The following MYO3B variants were observed in gnomAD, a reference collection of about 807,000 sequenced individuals.
The protein encoded by MYO3B is myosin-IIIb.
Under a neutral mutation model 174.6 loss-of-function variants are expected in MYO3B, and 156 were observed. That is an observed-to-expected ratio of 0.89 (90% CI 0.78 to 1.02). The LOEUF is 1.02. Ranked by LOEUF, MYO3B falls within the 50% of genes least tolerant of loss-of-function variation. The pLI, the probability that MYO3B is intolerant of heterozygous loss-of-function variation, is 0.00. For missense variants in MYO3B, 1,632 were observed against 1,639.4 expected (o/e 1.00, Z 0.08); for synonymous variants, 563 against 569.1 (o/e 0.99, Z 0.15).
At chr2:170,503,477 T>A (rs894508988) in intron 28 of MYO3B, among the ~76,000 whole-genome samples, 1 of 141,094 alleles carries the variant, frequency 7.1e-6, no homozygotes, top group East Asian at 2.1e-4. Context: ...TTTTTTTTTT[T>A]AGCCTTGCAA....
At chr2:170,375,160 C>G (rs144649619) in intron 9 of MYO3B, among the ~76,000 whole-genome samples, 2 of 152,120 alleles carry the variant, frequency 1.3e-5, no homozygotes, top group East Asian at 3.8e-4. Context: ...TGCAAAAAGA[C>G]GACTTCTTCC....
intron 27 of MYO3B, among the ~76,000 whole-genome samples, chr2:170,501,480 G>C (rs559286054): frequency 2.0e-5 from 3 of 152,270 alleles, no homozygotes; most frequent in Admixed American, 1.3e-4. Flanking sequence ...CCAGGGATTA[G>C]AATGACAGGA....
At chr2:170,558,622 C>T (rs1691503266) in intron 32 of MYO3B, among the ~76,000 whole-genome samples, 2 of 152,070 alleles carry the variant, frequency 1.3e-5, no homozygotes, top group African/African-American at 2.4e-5. Flanking sequence ...TGTATATTTT[C>T]GTTACTGTAT....
At chr2:170,413,902 TG>T (rs1178267810) in intron 22 of MYO3B, among the ~76,000 whole-genome samples, 1 of 151,510 alleles carries the variant, frequency 6.6e-6, no homozygotes, top group Non-Finnish European at 1.5e-5. Context: ...TAGCCAGGTG[TG>T]GTGGTGGGCG....
intron 22 of MYO3B, among the ~76,000 whole-genome samples, chr2:170,424,851 C>T (rs190929050): frequency 1.3e-5 from 2 of 152,254 alleles, no homozygotes; most frequent in Admixed American, 1.3e-4. Flanking sequence ...AACATAGCAG[C>T]TTTGATTTTT....
At chr2:170,352,124 T>C (rs1259235560) in intron 8 of MYO3B, among the ~76,000 whole-genome samples, 2 of 152,174 alleles carry the variant, frequency 1.3e-5, no homozygotes, top group Non-Finnish European at 2.9e-5. Context: ...GGCTGATTTT[T>C]GTATTTTTAG....
intron 32 of MYO3B, among the ~76,000 whole-genome samples, chr2:170,587,758 A>T (rs1693574988): frequency 6.6e-6 from 1 of 152,232 alleles, no homozygotes; most frequent in Non-Finnish European, 1.5e-5. Context: ...ACCTGACTAC[A>T]GTGTTGAATT....
At position 170,190,201 on chromosome 2, in the gene MYO3B, G is replaced by C. The variant is rs567643327; in HGVS notation, c.3-9007G>C. ...CCTTACTTTCTCCCAAACAAACAGAGTCTCTGTCTCTCTCTTTCCTGAGCT... is the reference window on the plus strand; with the variant it reads ...CCTTACTTTCTCCCAAACAAACAGACTCTCTGTCTCTCTCTTTCCTGAGCT... On this transcript the variant is annotated intron_variant, in intron 1 of 34. Coordinates refer to ENST00000408978, the MANE Select transcript of MYO3B (RefSeq NM_138995.5). Among the ~76,000 whole-genome samples the C allele has an allele frequency of 5.9e-5, 9 of 152,206 alleles. No homozygotes were observed. The East Asian group carries it at 1.7e-3, about 29-fold the overall frequency.
chr2:170,401,665 A>G lies in MYO3B; in HGVS notation c.2103A>G (p.Thr701=), dbSNP rs368863429. The G allele has an allele frequency of 6.8e-6, 11 of 1,613,422 alleles. No individual in the cohort carries two copies. Among genetic ancestry groups the G allele is most frequent in the Admixed American group, 1.7e-5 (1 of 59,976 alleles). The part of the protein sequence containing the change: ...LFSWIVNRIN[T]LLQPDENICS... ...GCTGGATTGTGAATCGCATTAATAC[A>G]CTCCTGCAGCCAGACGAAAACATAT... is the stretch of plus-strand genomic sequence containing the variant. The change falls in exon 18 of 35, where the codon ACA becomes ACG. Residue 701 remains threonine, a synonymous_variant. Transcript: ENST00000408978.
rs1183272909 is a variant in MYO3B at position 170,206,029 on chromosome 2, TTG to T, written c.321+5746_321+5747del. ...AGGGCATACCTGTCATTCCCTGTCA[TTG>T]GCCTTCCTCCTCCATCTCCCTGCCC... On this transcript the variant is annotated intron_variant, in intron 3 of 34. Transcript: ENST00000408978. The surrounding 1 kb of genome is among the most constrained non-coding windows in gnomAD (Gnocchi z 4.3). Among the ~76,000 whole-genome samples, 3 of 152,174 alleles carry T rather than the reference TTG, an allele frequency of 2.0e-5. No individual in the cohort carries two copies. The highest frequency in any genetic ancestry group is 4.4e-5 in the Non-Finnish European group (3 of 68,020).
intron 32 of MYO3B, among the ~76,000 whole-genome samples, chr2:170,617,796 T>C (rs1206995072): frequency 6.6e-6 from 1 of 152,230 alleles, no homozygotes; most frequent in Non-Finnish European, 1.5e-5. Flanking sequence ...CAATCATTAG[T>C]AATATGACCT....
intron 1 of MYO3B, among the ~76,000 whole-genome samples, chr2:170,196,460 G>A (rs1436202501): frequency 6.6e-6 from 1 of 152,174 alleles, no homozygotes; most frequent in East Asian, 1.9e-4. Flanking sequence ...AGGCTACAGG[G>A]GGTGGTGATC....
chr2:170,399,223 CAA>C (rs1386541480), intron 16 of MYO3B, among the ~76,000 whole-genome samples: 4 of 91,970 alleles, frequency 4.3e-5, no homozygotes, highest in Non-Finnish European at 8.2e-5. Flanking sequence ...GCCTGGGCAA[CAA>C]GAGCGAAATT....
At chr2:170,528,944 C>T (rs572462862) in intron 30 of MYO3B, among the ~76,000 whole-genome samples, 4 of 152,278 alleles carry the variant, frequency 2.6e-5, no homozygotes, top group East Asian at 3.9e-4. Flanking sequence ...GTTAGGCTCA[C>T]GTGCTCTCTG....
intron 32 of MYO3B, chr2:170,641,199 T>C (rs919639982): frequency 2.0e-5 from 3 of 152,036 alleles, no homozygotes; most frequent in Non-Finnish European, 4.4e-5. Flanking sequence ...ACTGGGAGGG[T>C]AGGGAACATT....
At chr2:170,369,832 A>G (rs2094226922) in intron 9 of MYO3B, among the ~76,000 whole-genome samples, 1 of 152,160 alleles carries the variant, frequency 6.6e-6, no homozygotes, top group Admixed American at 6.5e-5. Flanking sequence ...TGAGCTAAAC[A>G]CCGAAGGCTG....
At chr2:170,636,559 C>CCTCT (rs1360612568) in intron 32 of MYO3B, among the ~76,000 whole-genome samples, 2 of 151,938 alleles carry the variant, frequency 1.3e-5, no homozygotes, top group Non-Finnish European at 2.9e-5. Flanking sequence ...CCATTTAACC[C>CCTCT]CTCTCTGCTG....
chr2:170,328,173 A>G (rs2093883177), intron 7 of MYO3B, among the ~76,000 whole-genome samples: 3 of 152,078 alleles, frequency 2.0e-5, no homozygotes, highest in African/African-American at 4.8e-5. Context: ...AAGTGCTAGG[A>G]TTACAGGCAT....
chr2:170,572,714 C>A (rs1692521977), intron 32 of MYO3B, among the ~76,000 whole-genome samples: 1 of 149,194 alleles, frequency 6.7e-6, no homozygotes, highest in South Asian at 2.1e-4. Flanking sequence ...ACCCCTTGTA[C>A]AACATGGCAG....
Sources: gnomAD v4.1 joint callset for allele counts (sites outside exome capture counted in the v4.1 genomes callset) on GRCh38, gnomAD v4.1.1 for gene constraint, Gnocchi (gnomAD v3.1) non-coding constraint, MANE v1.5 for transcripts, NCBI Gene and HGNC (gene_info 2026-07-23, HGNC 2026-07-21) for gene names.